The following PALD1 variants were observed in gnomAD, a reference collection of about 807,000 sequenced individuals.
PALD1 encodes the protein paladin.
Under a neutral mutation model 96.0 loss-of-function variants are expected in PALD1, and 57 were observed. The observed-to-expected ratio is 0.59, with a 90% CI of 0.48 to 0.74. The LOEUF is 0.74. Among genes scored for constraint, PALD1 ranks in the 30% least tolerant of loss-of-function variants. The pLI is 0.00. For missense variants in PALD1, 1,063 were observed against 1,143.7 expected (o/e 0.93, Z 1.02); for synonymous variants, 464 against 473.6 (o/e 0.98, Z 0.26).
At chr10:70,520,303 A>G (rs1456710920) in intron 1 of PALD1, among the ~76,000 whole-genome samples, 1 of 152,166 alleles carries the variant, frequency 6.6e-6, no homozygotes. Flanking sequence ...TGGAAGGACA[A>G]AGAAGGTGGG....
chr10:70,534,717 T>G (rs1653934009), intron 9 of PALD1, 22 bp from the exon 10 acceptor site: 1 of 1,087,824 alleles, frequency 9.2e-7, no homozygotes, highest in Non-Finnish European at 1.4e-6. Context: ...TCCCTCTTAC[T>G]TGCCTTGGTC....
At chr10:70,512,114 T>TA (rs1846527416) in intron 1 of PALD1, among the ~76,000 whole-genome samples, 1 of 152,166 alleles carries the variant, frequency 6.6e-6, no homozygotes, top group Admixed American at 6.5e-5. Context: ...TTAATACTAT[T>TA]ATAATGGCAA....
At chr10:70,474,683 T>TA (rs377157618), upstream of PALD1, among the ~76,000 whole-genome samples, 211 of 152,052 alleles carry the variant, frequency 1.4e-3, 3 homozygotes, top group South Asian at 2.1e-4. Context: ...TGGGTCTTGA[T>TA]AAAAAAAAGG....
At chr10:70,482,139 G>A (rs1459842982) in intron 1 of PALD1, among the ~76,000 whole-genome samples, 2 of 152,200 alleles carry the variant, frequency 1.3e-5, no homozygotes, top group African/African-American at 2.4e-5. Flanking sequence ...TCTGGGTGAG[G>A]TCTGGAGCAG....
intron 1 of PALD1, among the ~76,000 whole-genome samples, chr10:70,494,241 C>A (rs1030389079): frequency 1.3e-5 from 2 of 152,248 alleles, no homozygotes; most frequent in African/African-American, 4.8e-5. Flanking sequence ...AATTTCACCT[C>A]TTCCCTGCAT....
chr10:70,554,516 G>T lies in PALD1; in HGVS notation c.2262+7070G>T, dbSNP rs1794091160. Reference sequence around the variant, plus strand: ...TAAGCCACTTCCAGCGCTTTGGACGGAAGTTAGAATGCCGGGCCCTGGCTG... The same window carrying T: ...TAAGCCACTTCCAGCGCTTTGGACGTAAGTTAGAATGCCGGGCCCTGGCTG... On this transcript the variant is annotated intron_variant, in intron 18 of 19. Transcript: ENST00000263563. Among the ~76,000 whole-genome samples the T allele has an allele frequency of 3.9e-5, 6 of 152,188 alleles. No homozygotes were observed. In the South Asian group the frequency reaches 1.0e-3, roughly 26 times the overall value.
At chr10:70,526,245 G>T (rs746292347) in intron 2 of PALD1, 109 bp downstream of exon 2, 4 of 862,872 alleles carry the variant, frequency 4.6e-6, no homozygotes, top group Non-Finnish European at 7.4e-6. Context: ...ACTGGATTCG[G>T]GTTCATAGAT....
intron 18 of PALD1, 37 bp from the exon 19 acceptor site, chr10:70,564,327 T>TC (rs753003113): frequency 1.3e-6 from 2 of 1,577,898 alleles, no homozygotes; most frequent in Admixed American, 1.8e-5. Context: ...GGGACACGGA[T>TC]CCCCCCACAC....
chr10:70,553,555 T>G (rs1847526196), intron 18 of PALD1, among the ~76,000 whole-genome samples: 1 of 152,234 alleles, frequency 6.6e-6, no homozygotes, highest in Non-Finnish European at 1.5e-5. Flanking sequence ...CATGCTGGGC[T>G]GATAGACATT....
intron 1 of PALD1, among the ~76,000 whole-genome samples, chr10:70,488,742 T>C (rs572607205): frequency 1.5e-4 from 23 of 152,228 alleles, no homozygotes; most frequent in Non-Finnish European, 7.4e-5. Flanking sequence ...TTGGGAGAGA[T>C]GGGAAGAAGT....
chr10:70,476,300 G>C (rs1845821840), upstream of PALD1, among the ~76,000 whole-genome samples: 1 of 152,242 alleles, frequency 6.6e-6, no homozygotes, highest in Non-Finnish European at 1.5e-5. Flanking sequence ...GCTGGGGAGA[G>C]AGCAGGATGC....
intron 1 of PALD1, among the ~76,000 whole-genome samples, chr10:70,493,344 C>T (rs117646077): frequency 0.019 from 2,830 of 152,344 alleles, 37 homozygotes; most frequent in Non-Finnish European, 0.024. Context: ...TTTCTCCACC[C>T]GTGAAGGAGG....
the PALD1 span, among the ~76,000 whole-genome samples, chr10:70,460,777 C>T: frequency 0.37 from 56,206 of 152,122 alleles, 12,671 homozygotes; most frequent in Non-Finnish European, 0.51. Flanking sequence ...AGCTCCAGGC[C>T]GGGCCAGGTG....
rs1847387060 is a variant in PALD1, at chr10:70,547,338, TG to T, written c.2157del (p.His720ThrfsTer3). On this transcript the variant is annotated frameshift_variant, in exon 18 of 20. Transcript: ENST00000263563. LOFTEE classifies it high-confidence loss of function. ...VMKVVQLLPD[G>X]HRVKKEVDAA... ...TGAAGGTGGTGCAGCTGCTACCCGATGGGCACCGTGTGAAGAAGGAGGTGGA... is the reference window on the plus strand; with the variant it reads ...TGAAGGTGGTGCAGCTGCTACCCGATGGCACCGTGTGAAGAAGGAGGTGGA... 6.2e-7 allele frequency: 1 copy of T among 1,613,454 alleles called. No individual in the cohort carries two copies. Among genetic ancestry groups the T allele is most frequent in the African/African-American group, 1.3e-5 (1 of 74,898 alleles).
chr10:70,475,618 A>G (rs1484174527), upstream of PALD1, among the ~76,000 whole-genome samples: 1 of 152,138 alleles, frequency 6.6e-6, no homozygotes, highest in Non-Finnish European at 1.5e-5. Context: ...ATCAAGATTC[A>G]TCTTTGCTGG....
Position 70,529,231 on chromosome 10 carries a change from A to T in PALD1, c.188A>T (p.Tyr63Phe). 1 of 370,630 alleles carries T rather than the reference A, an allele frequency of 2.7e-6. No individual in the cohort carries two copies. The highest frequency in any genetic ancestry group is 3.7e-5 in the African/African-American group (1 of 27,218). The allele number at this position is 370,630 out of a possible 1,614,324, so 23.0% of individuals were successfully genotyped here. ...PNKVAPVVIT[Y>F]NCKEEFQIHD... is the part of the protein sequence containing the mutation. ...CTGCCCCCCCCCCCCCCCCCCAGGT[A>T]CAACTGCAAGGAGGAGTTCCAGATC... Residue 63 changes from tyrosine (Y) to phenylalanine (F), a missense_variant and splice_region_variant, in exon 3 of 20, where the codon TAC becomes TTC. Tyr to Phe is a conservative substitution (Grantham distance 22, BLOSUM62 3). Transcript: ENST00000263563.
rs780275802 is a variant in PALD1 at position 70,532,675 on chromosome 10, G to A, written c.688G>A (p.Glu230Lys). The change falls in exon 6 of 20, where the codon GAG becomes AAG. Residue 230 changes from glutamate (E) to lysine (K), a missense_variant. Glu to Lys is a moderately conservative substitution (Grantham distance 56). Coordinates refer to ENST00000263563, the MANE Select transcript of PALD1 (RefSeq NM_014431.3). The part of the protein sequence containing the change: ...ENTYHVYHNT[E>K]DLWGEPHAVA... ...CACATACCATGTGTACCATAACACC[G>A]AGGACCTGTGGGGGGAGCCCCATGC... 6 of 1,614,174 alleles carry A rather than the reference G, an allele frequency of 3.7e-6. No homozygotes were observed. The highest frequency in any genetic ancestry group is 3.3e-5 in the South Asian group (3 of 91,082).
At chr10:70,530,458 A>G (rs545830221) in intron 4 of PALD1, among the ~76,000 whole-genome samples, 6 of 152,230 alleles carry the variant, frequency 3.9e-5, no homozygotes, top group South Asian at 4.2e-4. Flanking sequence ...TTTGTCTCCC[A>G]TTTTGCAGAG....
At position 70,537,901 on chromosome 10, in the gene PALD1, G is replaced by A; in HGVS notation, c.1318G>A (p.Glu440Lys). The A allele has an allele frequency of 6.2e-7, 1 of 1,607,120 alleles. No individual in the cohort carries two copies. Among genetic ancestry groups the A allele is most frequent in the Admixed American group, 1.7e-5 (1 of 60,014 alleles). ...YLILFNYYLH[E>K]QYPLAFALSF... ...GATCCTGTTTAACTACTACCTTCAT[G>A]AGCAGGTGGGGCCTGGGAGGAGCAG... The change falls in exon 11 of 20, where the codon GAG (glutamate) becomes AAG (lysine). Residue 440 changes from glutamate to lysine, a missense_variant. Glu to Lys is a moderately conservative substitution (Grantham distance 56, BLOSUM62 1). Transcript: ENST00000263563.
Sources: allele counts gnomAD v4.1 joint callset (sites outside exome capture counted in the v4.1 genomes callset), GRCh38; gene constraint gnomAD v4.1.1; transcripts MANE v1.5; gene names NCBI Gene and HGNC (gene_info 2026-07-23, HGNC 2026-07-21).